The following GABRG3 variants were observed in gnomAD, a reference collection of about 807,000 sequenced individuals.
The protein encoded by GABRG3 is gamma-aminobutyric acid receptor subunit gamma-3.
Under a neutral mutation model 48.8 loss-of-function variants are expected in GABRG3, and 25 were observed. That is an observed-to-expected ratio of 0.51 (90% CI 0.37 to 0.72). GABRG3 has a LOEUF of 0.72. Ranked by LOEUF, GABRG3 falls within the 30% of genes least tolerant of loss-of-function variation. The probability of loss-of-function intolerance (pLI) is 0.00; values close to 1 mark genes in which losing one functional copy is unlikely to be tolerated. For missense variants in GABRG3, 394 were observed against 577.9 expected, an observed-to-expected ratio of 0.68 and a Z score of 3.26; for synonymous variants, 227 against 217.6, an observed-to-expected ratio of 1.04 and a Z score of -0.38.
intron 3 of GABRG3, among the ~76,000 whole-genome samples, chr15:27,073,793 C>T (rs1359960701): frequency 2.6e-5 from 4 of 152,134 alleles, no homozygotes; most frequent in African/African-American, 7.2e-5. Flanking sequence ...ATTGGGGTGT[C>T]GGCCCTGGCT....
intron 3 of GABRG3, among the ~76,000 whole-genome samples, chr15:27,163,164 C>T (rs1887253581): frequency 6.6e-6 from 1 of 152,114 alleles, no homozygotes; most frequent in African/African-American, 2.4e-5. Context: ...CTCACCATGT[C>T]TCATCTCTAC....
In GABRG3 at chr15:27,308,130, A is replaced by G. The variant is rs181579619; in HGVS notation, c.271-18679A>G. On this transcript the variant is annotated intron_variant, in intron 3 of 9. Transcript: ENST00000615808. ...TGTTTATACATCCAAACATATATAA[A>G]CATATATGTTTATACATCCAAACAT... Among the ~76,000 whole-genome samples the G allele has an allele frequency of 8.7e-3, 783 of 90,416 alleles. 32 individuals carry two copies. Among genetic ancestry groups the G allele is most frequent in the Non-Finnish European group, 0.017 (643 of 37,166 alleles). The allele number at this position is 90,416 out of a possible 152,430, so 59.3% of individuals were successfully genotyped here.
At position 27,264,615 on chromosome 15, in the gene GABRG3, TAAA is replaced by T. The variant is rs35662612; in HGVS notation, c.271-62182_271-62180del. On this transcript the variant is annotated intron_variant, in intron 3 of 9. Transcript: ENST00000615808. ...TTTATAAAAAACCCTCAAACCAGCT[TAAA>T]AAAAAAAAAAACCTTATGAATACTC... is the stretch of plus-strand genomic sequence containing the variant. Among the ~76,000 whole-genome samples the T allele has an allele frequency of 6.5e-3, 943 of 145,426 alleles. 8 individuals carry two copies. Among genetic ancestry groups the T allele is most frequent in the African/African-American group, 0.022 (868 of 39,564 alleles).
At chr15:27,403,914 C>CAAAAAAAAAAAA (rs528760544) in intron 5 of GABRG3, among the ~76,000 whole-genome samples, 22 of 68,304 alleles carry the variant, frequency 3.2e-4, no homozygotes, top group East Asian at 5.9e-4. Flanking sequence ...CAAAAAAAAA[C>CAAAAAAAAAAAA]AAAAAAAAAA....
At chr15:27,395,988 G>A (rs1042261770) in intron 5 of GABRG3, among the ~76,000 whole-genome samples, 11 of 152,024 alleles carry the variant, frequency 7.2e-5, no homozygotes, top group Admixed American at 4.6e-4. Context: ...AGCCTCCCAC[G>A]TAGCTGGGAC....
At chr15:27,517,918 A>T (rs1831032139) in intron 6 of GABRG3, among the ~76,000 whole-genome samples, 1 of 152,188 alleles carries the variant, frequency 6.6e-6, no homozygotes, top group South Asian at 2.1e-4. Flanking sequence ...TTGGTAAATG[A>T]TATCAAAGTT....
intron 2 of GABRG3, among the ~76,000 whole-genome samples, chr15:26,999,631 A>G (rs189000146): frequency 7.3e-4 from 111 of 152,206 alleles, no homozygotes; most frequent in African/African-American, 2.4e-3. Flanking sequence ...ATCTTGAGCT[A>G]CTTAGATTTT....
intron 2 of GABRG3, among the ~76,000 whole-genome samples, chr15:27,007,808 G>A (rs546587801): frequency 6.6e-6 from 1 of 152,130 alleles, no homozygotes; most frequent in Admixed American, 6.5e-5. Context: ...TCTGGATATT[G>A]GACTTTTATT....
At chr15:27,000,122 C>A (rs1895415642) in intron 2 of GABRG3, among the ~76,000 whole-genome samples, 1 of 152,064 alleles carries the variant, frequency 6.6e-6, no homozygotes, top group Non-Finnish European at 1.5e-5. Context: ...TTGTATCAGC[C>A]TGGTTGAATT....
intron 3 of GABRG3, among the ~76,000 whole-genome samples, chr15:27,113,494 G>A (rs1488984954): frequency 6.6e-6 from 1 of 152,152 alleles, no homozygotes; most frequent in African/African-American, 2.4e-5. Context: ...CCCAGGTGGA[G>A]GGCTGGGGGT....
chr15:27,145,769 A>G (rs747359127), intron 3 of GABRG3, among the ~76,000 whole-genome samples: 3 of 152,070 alleles, frequency 2.0e-5, no homozygotes, highest in Non-Finnish European at 4.4e-5. Context: ...AGTAATCTCA[A>G]TGGACTCTCA....
chr15:27,494,086 G>T (rs1193055056), intron 6 of GABRG3, among the ~76,000 whole-genome samples: 2 of 151,924 alleles, frequency 1.3e-5, no homozygotes, highest in Admixed American at 1.3e-4. Context: ...ATTGTGGGTT[G>T]CATTGATCGA....
At chr15:27,528,861 A>G (rs960351571) in intron 9 of GABRG3, among the ~76,000 whole-genome samples, 5 of 152,158 alleles carry the variant, frequency 3.3e-5, no homozygotes, top group Middle Eastern at 3.4e-3. Flanking sequence ...TATATAATTT[A>G]TATAGTCACA....
At chr15:27,333,135 G>A (rs1446972570) in intron 5 of GABRG3, among the ~76,000 whole-genome samples, 2 of 152,104 alleles carry the variant, frequency 1.3e-5, no homozygotes, top group African/African-American at 2.4e-5. Context: ...GGCCATAATT[G>A]TGTATTTAGT....
intron 3 of GABRG3, among the ~76,000 whole-genome samples, chr15:27,239,831 A>G (rs1890082395): frequency 6.6e-6 from 1 of 152,360 alleles, no homozygotes; most frequent in Non-Finnish European, 1.5e-5. Context: ...TTCCTCTAAT[A>G]TAAGAATTGT....
At chr15:27,006,318 C>T (rs1387955471) in intron 2 of GABRG3, among the ~76,000 whole-genome samples, 1 of 152,074 alleles carries the variant, frequency 6.6e-6, no homozygotes, top group African/African-American at 2.4e-5. Flanking sequence ...TCTCGTGACT[C>T]AGCCTCCCGA....
chr15:27,272,952 T>C (rs988156586), intron 3 of GABRG3, among the ~76,000 whole-genome samples: 1 of 152,256 alleles, frequency 6.6e-6, no homozygotes, highest in African/African-American at 2.4e-5. Context: ...ATATTTGGTC[T>C]GTTGCCGCCA....
At chr15:26,971,937 G>C (rs1381936382) in intron 1 of GABRG3, among the ~76,000 whole-genome samples, 1 of 152,018 alleles carries the variant, frequency 6.6e-6, no homozygotes, top group African/African-American at 2.4e-5. Flanking sequence ...CTGTTTCAGG[G>C]GCTCACACAC....
chr15:27,497,257 G>A (rs1299321069), intron 6 of GABRG3, among the ~76,000 whole-genome samples: 1 of 152,172 alleles, frequency 6.6e-6, no homozygotes, highest in Non-Finnish European at 1.5e-5. Flanking sequence ...TGTGCTTCCT[G>A]ATATAATACT....
Sources: allele counts gnomAD v4.1 joint callset (sites outside exome capture counted in the v4.1 genomes callset), GRCh38; gene constraint gnomAD v4.1.1; transcripts MANE v1.5; gene names NCBI Gene and HGNC (gene_info 2026-07-23, HGNC 2026-07-21).